Variants in MTMR12 observed in about 807,000 individuals in gnomAD.
MTMR12 encodes the protein myotubularin-related protein 12.
MTMR12 carries 33 observed loss-of-function variants against 96.7 expected under a neutral mutation model. The observed-to-expected ratio is 0.34, with a 90% confidence interval of 0.26 to 0.46. The LOEUF is 0.46. Ranked by LOEUF, MTMR12 falls within the 20% of genes least tolerant of loss-of-function variation. The pLI, the probability that MTMR12 is intolerant of heterozygous loss-of-function variation, is 1.00. For synonymous variants in MTMR12, 298 were observed against 327.2 expected, an observed-to-expected ratio of 0.91 and a Z score of 0.96; for missense variants, 721 against 896.1, an observed-to-expected ratio of 0.80 and a Z score of 2.49.
At chr5:32,243,690 G>T in intron 10 of MTMR12, 91 bp from the exon 11 acceptor site, 2 of 770,246 alleles carry the variant, frequency 2.6e-6, no homozygotes, top group Non-Finnish European at 2.2e-6. Flanking sequence ...GTGTCATTCA[G>T]ATTAACAGTC....
In MTMR12 at chr5:32,299,331, G is replaced by A. The variant is rs148135681; in HGVS notation, c.81+13427C>T. On this transcript the variant is annotated intron_variant, in intron 1 of 15. Coordinates refer to ENST00000382142, the MANE Select transcript of MTMR12 (RefSeq NM_001040446.3). ...ACCATTAGCAAGTAGGAAGCCCTGTGTGACACCAAAGCCATGCTCTTAACT... is the reference window on the plus strand; with the variant it reads ...ACCATTAGCAAGTAGGAAGCCCTGTATGACACCAAAGCCATGCTCTTAACT... Among the ~76,000 whole-genome samples the A allele has an allele frequency of 5.1e-3, 777 of 152,298 alleles. 12 individuals carry two copies. Among genetic ancestry groups the A allele is most frequent in the African/African-American group, 0.018 (745 of 41,556 alleles).
chr5:32,233,845 T>C lies in MTMR12; in HGVS notation c.1602A>G (p.Thr534=), dbSNP rs768885547. Residue 534 remains threonine, a synonymous_variant, in exon 15 of 16, where the codon ACA becomes ACG. Coordinates refer to ENST00000382142, the MANE Select transcript of MTMR12 (RefSeq NM_001040446.3). This position sits in a 1 kb window ranked among gnomAD's most constrained non-coding sequence, Gnocchi z 5.0. ...WSVQFEPKAQ[T]LLKNPLYVEK... ...CCACATAAAGAGGGTTTTTGAGCAA[T>C]GTCTGGGCTTTGGGTTCAAACTGCA... is the stretch of plus-strand genomic sequence containing the variant. 8.7e-6 allele frequency: 14 copies of C among 1,614,188 alleles called. No homozygotes were observed. The highest frequency in any genetic ancestry group is 1.1e-5 in the South Asian group (1 of 91,084).
intron 1 of MTMR12, among the ~76,000 whole-genome samples, chr5:32,292,212 C>G (rs1750763349): frequency 1.3e-5 from 2 of 152,156 alleles, no homozygotes; most frequent in South Asian, 2.1e-4. Context: ...GGGCAAAGTT[C>G]TCTAGAAGGC....
rs555624929 is a variant in MTMR12, at chr5:32,238,932, G to T, written c.1344+69C>A. On this transcript the variant is annotated intron_variant, in intron 13 of 15. Coordinates refer to ENST00000382142, the MANE Select transcript of MTMR12 (RefSeq NM_001040446.3). ...AAGCAGCAATCCTACTACATCTGAT[G>T]ACAGGTATTAAATAAGAGATTCAGT... 3.3e-5 allele frequency: 46 copies of T among 1,413,650 alleles called. No homozygotes were observed. In the African/African-American group the frequency reaches 5.5e-4, roughly 17 times the overall value. The allele number at this position is 1,413,650 out of a possible 1,614,324, so 87.6% of individuals were successfully genotyped here.
intron 8 of MTMR12, among the ~76,000 whole-genome samples, chr5:32,254,869 C>G (rs1410149433): frequency 6.6e-6 from 1 of 152,028 alleles, no homozygotes; most frequent in Non-Finnish European, 1.5e-5. Context: ...AAAAACAAAA[C>G]AAAACAAAAA....
chr5:32,262,009 T>C (rs952033036), intron 7 of MTMR12, among the ~76,000 whole-genome samples: 4 of 151,894 alleles, frequency 2.6e-5, no homozygotes, highest in African/African-American at 9.7e-5. Context: ...GAGGCGGAGC[T>C]TACAGTGGAC....
Position 32,229,944 on chromosome 5 carries a change from G to A in MTMR12, c.2078C>T (p.Pro693Leu). 6.2e-7 allele frequency: 1 copy of A among 1,612,630 alleles called. No homozygotes were observed. Among genetic ancestry groups the A allele is most frequent in the Non-Finnish European group, 8.5e-7 (1 of 1,179,100 alleles). The change falls in exon 16 of 16, where the codon CCC becomes CTC. Residue 693 changes from proline (P) to leucine (L), a missense_variant. Transcript: ENST00000382142. Reference sequence around the variant, plus strand: ...GCGGGCAGAGTTCCTCAGCAGGCAGGGGGCCTCAGCCTGGGGGGCCTGCTG... The same window carrying A: ...GCGGGCAGAGTTCCTCAGCAGGCAGAGGGCCTCAGCCTGGGGGGCCTGCTG... ...HSQQAPQAEA[P>L]CLLRNSARLS...
chr5:32,242,985 C>A (rs542543263), intron 11 of MTMR12, among the ~76,000 whole-genome samples: 1 of 152,184 alleles, frequency 6.6e-6, no homozygotes. Flanking sequence ...ATCATCATTT[C>A]TGTTTTGCAC....
In MTMR12 at chr5:32,231,042, T is replaced by C. The variant is rs149032020; in HGVS notation, c.1675-695A>G. Reference sequence around the variant, plus strand: ...TTTTCACATTTTCATATTTCCCCCCTTGGTCATTCTCTCTGTGGCCAGAGC... The same window carrying C: ...TTTTCACATTTTCATATTTCCCCCCCTGGTCATTCTCTCTGTGGCCAGAGC... On this transcript the variant is annotated intron_variant, in intron 15 of 15. Transcript: ENST00000382142. Among the ~76,000 whole-genome samples the C allele has an allele frequency of 8.0e-3, 1,219 of 152,144 alleles. 18 individuals carry two copies. The highest frequency in any genetic ancestry group is 0.027 in the African/African-American group (1,118 of 41,480).
intron 7 of MTMR12, among the ~76,000 whole-genome samples, chr5:32,260,332 C>A (rs1237486405): frequency 6.6e-6 from 1 of 151,612 alleles, no homozygotes; most frequent in African/African-American, 2.4e-5. Context: ...TGGCATGCGA[C>A]ATGGAGAATG....
intron 5 of MTMR12, among the ~76,000 whole-genome samples, chr5:32,270,263 C>T (rs1749782296): frequency 6.6e-6 from 1 of 152,112 alleles, no homozygotes; most frequent in African/African-American, 2.4e-5. Flanking sequence ...GATACAACCA[C>T]TTTCTGAGTT....
chr5:32,238,017 A>G (rs1224137355), intron 13 of MTMR12, among the ~76,000 whole-genome samples: 1 of 151,532 alleles, frequency 6.6e-6, no homozygotes, highest in Non-Finnish European at 1.5e-5. Context: ...GGTAGCGCAC[A>G]CCTGTAATGC....
intron 1 of MTMR12, among the ~76,000 whole-genome samples, chr5:32,311,469 C>G (rs886750449): frequency 6.6e-6 from 1 of 152,198 alleles, no homozygotes; most frequent in Non-Finnish European, 1.5e-5. Flanking sequence ...GTGGTCTTTA[C>G]GGAAGCAGTC....
At chr5:32,234,353 C>A (rs1459700198) in intron 14 of MTMR12, among the ~76,000 whole-genome samples, 1 of 152,124 alleles carries the variant, frequency 6.6e-6, no homozygotes, top group East Asian at 1.9e-4. Flanking sequence ...TCAAGCAAAG[C>A]CTGTAGCCCT....
chr5:32,288,011 G>A (rs1002075423), intron 1 of MTMR12, among the ~76,000 whole-genome samples: 2 of 152,146 alleles, frequency 1.3e-5, no homozygotes, highest in African/African-American at 4.8e-5. Flanking sequence ...AATCTGCTAA[G>A]ACTGTCCTGA....
chr5:32,307,559 TAATC>T (rs1751408887), intron 1 of MTMR12, among the ~76,000 whole-genome samples: 1 of 152,164 alleles, frequency 6.6e-6, no homozygotes, highest in Non-Finnish European at 1.5e-5. Context: ...TTTCAAAACA[TAATC>T]AAAGGTCCAA....
rs539638301 is a variant in MTMR12, at chr5:32,252,148, A to C, written c.790-3270T>G. On this transcript the variant is annotated intron_variant, in intron 8 of 15. Coordinates refer to ENST00000382142, the MANE Select transcript of MTMR12 (RefSeq NM_001040446.3). ...ACTCAGGGTTGAAGAACAGCGGCCAAAGCCTTTAGAATAGCGGCAAGGACA... is the reference window on the plus strand; with the variant it reads ...ACTCAGGGTTGAAGAACAGCGGCCACAGCCTTTAGAATAGCGGCAAGGACA... Among the ~76,000 whole-genome samples the C allele has an allele frequency of 4.6e-5, 7 of 152,352 alleles. No individual in the cohort carries two copies. In the South Asian group the frequency reaches 1.4e-3, roughly 32 times the overall value.
chr5:32,290,048 T>C (rs1179083118), intron 1 of MTMR12, among the ~76,000 whole-genome samples: 1 of 152,220 alleles, frequency 6.6e-6, no homozygotes, highest in Non-Finnish European at 1.5e-5. Flanking sequence ...TTGCAGCTGC[T>C]GTACCAAATG....
rs116245098 is a variant in MTMR12, at chr5:32,303,014, T to C, written c.81+9744A>G. Among the ~76,000 whole-genome samples the C allele has an allele frequency of 7.4e-3, 1,134 of 152,256 alleles. 19 individuals are homozygous for C. Among genetic ancestry groups the C allele is most frequent in the African/African-American group, 0.026 (1,101 of 41,550 alleles). On this transcript the variant is annotated intron_variant, in intron 1 of 15. Transcript: ENST00000382142. ...AAATACTCCCCTTTTATTAATACCT[T>C]AGCTGGGAAAGATTTATGCACTCTT...
Sources: allele counts gnomAD v4.1 joint callset (sites outside exome capture counted in the v4.1 genomes callset), GRCh38; gene constraint gnomAD v4.1.1; non-coding constraint Gnocchi (gnomAD v3.1); transcripts MANE v1.5; gene names NCBI Gene and HGNC (gene_info 2026-07-23, HGNC 2026-07-21).